TNR: variants seen among roughly 807,000 people sequenced by gnomAD.
TNR encodes tenascin-R.
A neutral mutation model predicts 150.4 loss-of-function variants in TNR; 45 were observed. The ratio of observed to expected loss-of-function variants is 0.30; its 90% confidence interval spans 0.24 to 0.38. TNR has a LOEUF of 0.38. Among genes scored for constraint, TNR ranks in the 10% least tolerant of loss-of-function variants. TNR has a pLI of 1.00. For missense variants in TNR, 1,544 were observed against 1,759.1 expected (o/e 0.88, Z 2.19); for synonymous variants, 687 against 678.4 (o/e 1.01, Z -0.20).
In TNR at chr1:175,331,051, T is replaced by G. The variant is rs1039367290; in HGVS notation, c.3632-816A>C. 1.1e-3 allele frequency among the ~76,000 whole-genome samples: 120 copies of G among 106,766 alleles called. 2 individuals are homozygous for G. The highest frequency in any genetic ancestry group is 4.2e-3 in the African/African-American group (116 of 27,848). 70.0% of individuals were successfully genotyped at this position (106,766 alleles called of 152,430 possible). ...TTTCTTTCTTTCTTTCTTTCTTTCT[T>G]TCTTTCTTTCTTTCTTTCTTTCTTT... On this transcript the variant is annotated intron_variant, in intron 20 of 22. Coordinates refer to ENST00000367674, the MANE Select transcript of TNR (RefSeq NM_003285.3).
intron 1 of TNR, among the ~76,000 whole-genome samples, chr1:175,587,462 G>A (rs184187564): frequency 4.6e-5 from 7 of 152,342 alleles, no homozygotes; most frequent in African/African-American, 1.7e-4. Flanking sequence ...AGGGTTAAAT[G>A]AAATCATGTA....
intron 2 of TNR, among the ~76,000 whole-genome samples, chr1:175,464,065 T>A (rs984538958): frequency 1.3e-5 from 2 of 152,244 alleles, no homozygotes; most frequent in Non-Finnish European, 2.9e-5. Context: ...GAAGAGTTGA[T>A]CCCTTGATCC....
intron 1 of TNR, among the ~76,000 whole-genome samples, chr1:175,697,842 A>AGGGGCCACT (rs1666578528): frequency 6.6e-6 from 1 of 152,190 alleles, no homozygotes; most frequent in Non-Finnish European, 1.5e-5. Flanking sequence ...CACAATAACC[A>AGGGGCCACT]GGGGAAGCAG....
At chr1:175,443,188 G>A (rs751509510) in intron 2 of TNR, among the ~76,000 whole-genome samples, 13 of 151,992 alleles carry the variant, frequency 8.6e-5, no homozygotes, top group East Asian at 1.9e-4. Context: ...ACTTTATGCC[G>A]CAATAGAAAA....
chr1:175,323,084 T>A lies in TNR; in HGVS notation c.*273A>T, dbSNP rs1457720016. The stretch of plus-strand genomic sequence containing the variant: ...CACGACTTGGCTTTGAATTGGCCCT[T>A]TAAGAAAACTTCCTACTTCTCCTCC... On this transcript the variant is annotated 3_prime_UTR_variant, in exon 23 of 23. Transcript: ENST00000367674. 3.1e-6 allele frequency: 1 copy of A among 325,278 alleles called. No homozygotes were observed. The highest frequency in any genetic ancestry group is 2.1e-5 in the African/African-American group (1 of 46,764). 20.1% of individuals were successfully genotyped at this position (325,278 alleles called of 1,614,324 possible).
At chr1:175,688,574 C>A (rs112115441) in intron 1 of TNR, among the ~76,000 whole-genome samples, 156 of 152,300 alleles carry the variant, frequency 1.0e-3, no homozygotes, top group African/African-American at 3.6e-3. Context: ...ACCCAGGAAG[C>A]AGAGGGCAGT....
At position 175,547,621 on chromosome 1, in the gene TNR, CAAAGAAAGAAAGAAAGAG is replaced by C. The variant is rs1190303652; in HGVS notation, c.-164-19270_-164-19253del. 6.6e-4 allele frequency among the ~76,000 whole-genome samples: 7 copies of C among 10,550 alleles called. No individual in the cohort carries two copies. In the East Asian group the frequency reaches 0.019, roughly 29 times the overall value. The allele number at this position is 10,550 out of a possible 152,430, so 6.9% of individuals were successfully genotyped here. A position where few individuals can be genotyped will look rare whatever the true frequency, so the allele number is the denominator to read the frequency against. On this transcript the variant is annotated intron_variant, in intron 1 of 22. Coordinates refer to ENST00000367674, the MANE Select transcript of TNR (RefSeq NM_003285.3). Reference sequence around the variant, plus strand: ...AGAAAGAAAGAAAGAAACAAAGAAACAAAGAAAGAAAGAAAGAGAAAGAAAGAAAGGAAGAAGAAAGAA... The same window carrying C: ...AGAAAGAAAGAAAGAAACAAAGAAACAAAGAAAGAAAGGAAGAAGAAAGAA...
intron 2 of TNR, among the ~76,000 whole-genome samples, chr1:175,459,687 TG>T (rs1656727706): frequency 6.6e-6 from 1 of 152,158 alleles, no homozygotes; most frequent in Admixed American, 6.5e-5. Context: ...GTGGTGGCCA[TG>T]GAGAGGGGAG....
intron 1 of TNR, among the ~76,000 whole-genome samples, chr1:175,719,660 G>C (rs1667248030): frequency 6.6e-6 from 1 of 152,208 alleles, no homozygotes; most frequent in African/African-American, 2.4e-5. Context: ...AATGGTCACA[G>C]TCTTGCAGGA....
Position 175,406,494 on chromosome 1 carries a change from G to C in TNR, c.221C>G (p.Pro74Arg). ...VFNHVYNINV[P>R]LDNLCSSGLE... Reference sequence around the variant, plus strand: ...CCCTGAGGAGCAGAGGTTGTCCAAGGGCACGTTAATGTTGTACACGTGGTT... The same window carrying C: ...CCCTGAGGAGCAGAGGTTGTCCAAGCGCACGTTAATGTTGTACACGTGGTT... Residue 74 changes from proline (P) to arginine (R), a missense_variant, in exon 3 of 23, where the codon CCC (proline) becomes CGC (arginine). Transcript: ENST00000367674. The C allele has an allele frequency of 1.2e-6, 2 of 1,614,168 alleles. No homozygotes were observed. Among genetic ancestry groups the C allele is most frequent in the African/African-American group, 1.3e-5 (1 of 75,034 alleles).
Position 175,335,755 on chromosome 1 carries a change from T to C in TNR, c.3587A>G (p.Asp1196Gly). Reference protein sequence around the residue: ...GQTDFFRKWADYRVGFGNVED... With the variant: ...GQTDFFRKWAGYRVGFGNVED... Reference sequence around the variant, plus strand: ...CACGTTCCCGAAGCCAACACGGTAATCAGCCCATTTCCGGAAAAAATCAGT... The same window carrying C: ...CACGTTCCCGAAGCCAACACGGTAACCAGCCCATTTCCGGAAAAAATCAGT... Residue 1196 changes from aspartate to glycine, a missense_variant, in exon 20 of 23, where the codon GAT (aspartate) becomes GGT (glycine). Physicochemically the swap from Asp to Gly is moderately conservative, Grantham distance 94. Transcript: ENST00000367674. 1.9e-6 allele frequency: 3 copies of C among 1,614,032 alleles called. No homozygotes were observed. The highest frequency in any genetic ancestry group is 2.5e-6 in the Non-Finnish European group (3 of 1,180,014).
rs1452811618 is a variant in TNR at position 175,356,479 on chromosome 1, A to G, written c.2975-17T>C. ...CTCCAGCGACTGAACTCAAATGAAT[A>G]TGAATAAGGGTTGAATAAGGCTACT... On this transcript the variant is annotated splice_polypyrimidine_tract_variant and intron_variant, in intron 15 of 22. Coordinates refer to ENST00000367674, the MANE Select transcript of TNR (RefSeq NM_003285.3). The G allele has an allele frequency of 2.5e-6, 4 of 1,613,570 alleles. No individual in the cohort carries two copies. Among genetic ancestry groups the G allele is most frequent in the South Asian group, 1.1e-5 (1 of 91,036 alleles).
chr1:175,400,611 C>G (rs1014375957), intron 4 of TNR, among the ~76,000 whole-genome samples: 2 of 152,158 alleles, frequency 1.3e-5, no homozygotes, highest in African/African-American at 4.8e-5. Context: ...ACCTAGGGGG[C>G]CTCAGAATGC....
At chr1:175,424,874 G>A (rs531464261) in intron 2 of TNR, among the ~76,000 whole-genome samples, 1 of 152,056 alleles carries the variant, frequency 6.6e-6, no homozygotes. Context: ...TGCTCAGAAA[G>A]AGCTTCAGAT....
intron 1 of TNR, among the ~76,000 whole-genome samples, chr1:175,572,788 T>C (rs1661935219): frequency 6.6e-6 from 1 of 151,900 alleles, no homozygotes; most frequent in Non-Finnish European, 1.5e-5. Context: ...TTCCAGTATG[T>C]TTGTCTCATT....
chr1:175,525,377 T>G (rs1659807828), intron 2 of TNR, among the ~76,000 whole-genome samples: 1 of 152,214 alleles, frequency 6.6e-6, no homozygotes, highest in Non-Finnish European at 1.5e-5. Flanking sequence ...GAGCTCTGAC[T>G]GATCAGAGGT....
At chr1:175,554,280 T>C (rs1235198752) in intron 1 of TNR, among the ~76,000 whole-genome samples, 1 of 146,104 alleles carries the variant, frequency 6.8e-6, no homozygotes, top group Non-Finnish European at 1.5e-5. Context: ...TGTGCATGAG[T>C]GCACAAATAC....
chr1:175,675,264 A>G (rs1248662145), intron 1 of TNR, among the ~76,000 whole-genome samples: 6 of 152,196 alleles, frequency 3.9e-5, no homozygotes, highest in African/African-American at 1.2e-4. Flanking sequence ...CTAAAGCTCT[A>G]TGGATAACGG....
At chr1:175,529,686 CT>C (rs1179823034) in intron 1 of TNR, among the ~76,000 whole-genome samples, 1 of 152,206 alleles carries the variant, frequency 6.6e-6, no homozygotes, top group Non-Finnish European at 1.5e-5. Flanking sequence ...AGATTGCAGC[CT>C]ATTTGGGGGG....
Sources: gnomAD v4.1 joint callset for allele counts (sites outside exome capture counted in the v4.1 genomes callset) on GRCh38, gnomAD v4.1.1 for gene constraint, MANE v1.5 for transcripts, NCBI Gene and HGNC (gene_info 2026-07-23, HGNC 2026-07-21) for gene names.